MARCHF4: variants seen among roughly 807,000 people sequenced by gnomAD.
The protein encoded by MARCHF4 is membrane associated ring-CH-type finger 4, also known as E3 ubiquitin-protein ligase MARCHF4.
MARCHF4 carries 14 observed loss-of-function variants against 43.9 expected under a neutral mutation model. The observed-to-expected ratio is 0.32, with a 90% CI of 0.21 to 0.50. The LOEUF (loss-of-function observed/expected upper bound fraction) is 0.50, where lower values mean the gene tolerates loss of function less well. Among genes scored for constraint, MARCHF4 ranks in the 20% least tolerant of loss-of-function variants. The pLI, the probability that MARCHF4 is intolerant of heterozygous loss-of-function variation, is 0.98. For missense variants in MARCHF4, 468 were observed against 536.7 expected (o/e 0.87, Z 1.27); for synonymous variants, 226 against 213.3 (o/e 1.06, Z -0.52).
At chr2:216,305,533 G>A (rs2105952563) in intron 1 of MARCHF4, among the ~76,000 whole-genome samples, 1 of 152,292 alleles carries the variant, frequency 6.6e-6, no homozygotes, top group South Asian at 2.1e-4. Flanking sequence ...TGGAAGAGAG[G>A]AAGAGAAGAA....
At chr2:216,364,629 T>C (rs772489182) in intron 1 of MARCHF4, among the ~76,000 whole-genome samples, 1 of 152,140 alleles carries the variant, frequency 6.6e-6, no homozygotes, top group Non-Finnish European at 1.5e-5. Context: ...CATAAACTGT[T>C]CCCTCCTTGG....
chr2:216,330,217 T>C (rs1259686310), intron 1 of MARCHF4, among the ~76,000 whole-genome samples: 1 of 152,190 alleles, frequency 6.6e-6, no homozygotes, highest in East Asian at 1.9e-4. Flanking sequence ...AATGAATGAA[T>C]ATGGTCATCC....
At chr2:216,283,517 G>A (rs764895243) in intron 2 of MARCHF4, 57 bp downstream of exon 2, 23 of 1,519,450 alleles carry the variant, frequency 1.5e-5, no homozygotes, top group Non-Finnish European at 2.1e-5. Flanking sequence ...TCCTGCTAAA[G>A]CAGGTGGTGT....
chr2:216,371,554 C>T lies in MARCHF4; in HGVS notation c.-1294G>A, dbSNP rs1692767598. On this transcript the variant is annotated 5_prime_UTR_variant, in exon 1 of 4. Transcript: ENST00000273067. ...GGCGGGGGCTGCTCCGGCTCGTCCT[C>T]TGGCTGCTGCCCGCCGTCCGGCGCG... 1 of 152,388 alleles carries T rather than the reference C, an allele frequency of 6.6e-6. No individual in the cohort carries two copies. The highest frequency in any genetic ancestry group is 2.1e-4 in the South Asian group (1 of 4,824). 9.4% of individuals were successfully genotyped at this position (152,388 alleles called of 1,614,324 possible). A position where few individuals can be genotyped will look rare whatever the true frequency, so the allele number is the denominator to read the frequency against.
chr2:216,346,965 G>A (rs1263762018), intron 1 of MARCHF4, among the ~76,000 whole-genome samples: 5 of 152,066 alleles, frequency 3.3e-5, no homozygotes, highest in Admixed American at 1.3e-4. Context: ...GAGTTATTGC[G>A]GGGTCTGGTT....
Position 216,368,498 on chromosome 2 carries a change from C to T in MARCHF4, c.516+1247G>A, listed in dbSNP as rs1159039133. ...TTCCCCTCATAATTCCAAGCTGTAG[C>T]TCCAGGGATCACTGGTCCCCAGAGT... is the stretch of plus-strand genomic sequence containing the variant. On this transcript the variant is annotated intron_variant, in intron 1 of 3. Coordinates refer to ENST00000273067, the MANE Select transcript of MARCHF4 (RefSeq NM_020814.3). Among the ~76,000 whole-genome samples, 8 of 152,344 alleles carry T rather than the reference C, an allele frequency of 5.3e-5. No homozygotes were observed. The South Asian group carries it at 1.2e-3, about 24-fold the overall frequency.
chr2:216,327,539 C>A (rs1328762776), intron 1 of MARCHF4, among the ~76,000 whole-genome samples: 1 of 152,144 alleles, frequency 6.6e-6, no homozygotes, highest in Non-Finnish European at 1.5e-5. Context: ...ATTTTTAGAT[C>A]TCCAGGGAAA....
chr2:216,288,181 T>C (rs1476924658), intron 1 of MARCHF4, among the ~76,000 whole-genome samples: 1 of 152,198 alleles, frequency 6.6e-6, no homozygotes. Flanking sequence ...CCCAGGCTGA[T>C]CTCAAACTCC....
chr2:216,304,710 T>C (rs967189306), intron 1 of MARCHF4, among the ~76,000 whole-genome samples: 1 of 152,124 alleles, frequency 6.6e-6, no homozygotes, highest in Non-Finnish European at 1.5e-5. Context: ...AAAACATTCA[T>C]AGGGAGGCTG....
intron 1 of MARCHF4, among the ~76,000 whole-genome samples, chr2:216,332,880 T>C (rs948494342): frequency 3.3e-5 from 5 of 152,202 alleles, no homozygotes; most frequent in African/African-American, 1.2e-4. Context: ...AATTACTTGA[T>C]TTATGACAAG....
chr2:216,268,817 G>A (rs181953983), intron 3 of MARCHF4, among the ~76,000 whole-genome samples: 1 of 152,300 alleles, frequency 6.6e-6, no homozygotes, highest in East Asian at 1.9e-4. Flanking sequence ...TTCTAGCTAG[G>A]AGGAGAGGAA....
At chr2:216,319,306 T>TAAAAC (rs759192528) in intron 1 of MARCHF4, among the ~76,000 whole-genome samples, 53 of 152,112 alleles carry the variant, frequency 3.5e-4, no homozygotes, top group Middle Eastern at 3.4e-3. Context: ...AGATTCCATC[T>TAAAAC]AAAACAAAAC....
chr2:216,306,354 C>T (rs981297106), intron 1 of MARCHF4, among the ~76,000 whole-genome samples: 2 of 152,078 alleles, frequency 1.3e-5, no homozygotes, highest in Non-Finnish European at 2.9e-5. Context: ...AGGCATTAAC[C>T]ACTTGATAAG....
At chr2:216,277,408 C>A (rs537057041) in intron 3 of MARCHF4, among the ~76,000 whole-genome samples, 1 of 152,306 alleles carries the variant, frequency 6.6e-6, no homozygotes, top group African/African-American at 2.4e-5. Context: ...TTCCCAAATC[C>A]TCCTAGAGGC....
chr2:216,308,988 A>G (rs1470579131), intron 1 of MARCHF4, among the ~76,000 whole-genome samples: 2 of 152,182 alleles, frequency 1.3e-5, no homozygotes, highest in Admixed American at 6.5e-5. Context: ...TGGAGAGGGA[A>G]GAGAATGGTT....
intron 1 of MARCHF4, among the ~76,000 whole-genome samples, chr2:216,286,775 G>A (rs1158122541): frequency 6.6e-6 from 1 of 152,156 alleles, no homozygotes; most frequent in African/African-American, 2.4e-5. Context: ...AGCTTTCACA[G>A]GGACTCTTTG....
In MARCHF4 at chr2:216,356,087, C is replaced by T. The variant is rs376700994; in HGVS notation, c.516+13658G>A. Among the ~76,000 whole-genome samples the T allele has an allele frequency of 3.3e-4, 50 of 152,328 alleles. 1 individual carries two copies. The South Asian group carries it at 8.1e-3, about 25-fold the overall frequency. ...AAATCTGTGGCTCCTAGAGGGATCACCATGGGATAAATAAAAATATACAAC... is the reference window on the plus strand; with the variant it reads ...AAATCTGTGGCTCCTAGAGGGATCATCATGGGATAAATAAAAATATACAAC... On this transcript the variant is annotated intron_variant, in intron 1 of 3. Coordinates refer to ENST00000273067, the MANE Select transcript of MARCHF4 (RefSeq NM_020814.3).
In MARCHF4 at chr2:216,358,007, C is replaced by T. The variant is rs184093814; in HGVS notation, c.516+11738G>A. On this transcript the variant is annotated intron_variant, in intron 1 of 3. Transcript: ENST00000273067. ...TTTCAAAGTTTGAAGAAAACAATAG[C>T]GAGCTTGTGAGGTCAGACAAAAACA... is the stretch of plus-strand genomic sequence containing the variant. 1.2e-4 allele frequency among the ~76,000 whole-genome samples: 19 copies of T among 152,234 alleles called. No individual in the cohort carries two copies. In the East Asian group the frequency reaches 1.9e-3, roughly 15 times the overall value.
At chr2:216,300,510 A>C (rs895009459) in intron 1 of MARCHF4, among the ~76,000 whole-genome samples, 5 of 151,662 alleles carry the variant, frequency 3.3e-5, no homozygotes, top group African/African-American at 1.2e-4. Context: ...CACCCAGCTA[A>C]ATTTTTTTGT....
Sources: allele counts gnomAD v4.1 joint callset (sites outside exome capture counted in the v4.1 genomes callset), GRCh38; gene constraint gnomAD v4.1.1; transcripts MANE v1.5; gene names NCBI Gene and HGNC (gene_info 2026-07-23, HGNC 2026-07-21).